FHOD3: variants seen among roughly 807,000 people sequenced by gnomAD.
FHOD3 encodes the protein FH1/FH2 domain-containing protein 3.
In FHOD3, 90 loss-of-function variants were observed where a neutral mutation model predicts 173.0. The ratio of observed to expected loss-of-function variants is 0.52; its 90% confidence interval spans 0.44 to 0.62. The LOEUF is 0.62. FHOD3 is among the 20% of genes least tolerant of loss of function. The pLI, the probability that FHOD3 is intolerant of heterozygous loss-of-function variation, is 0.00. For synonymous variants in FHOD3, 828 were observed against 823.0 expected, an observed-to-expected ratio of 1.01 and a Z score of -0.10; for missense variants, 1,945 against 2,034.7, an observed-to-expected ratio of 0.96 and a Z score of 0.85.
intron 11 of FHOD3, among the ~76,000 whole-genome samples, 186 bp from the exon 12 acceptor site, chr18:36,652,384 G>T (rs530512694): frequency 6.6e-6 from 1 of 152,370 alleles, no homozygotes; most frequent in South Asian, 2.1e-4. Flanking sequence ...TGTCAGGATT[G>T]CTTGGGCAAA....
chr18:36,625,402 A>G (rs1057262404), intron 9 of FHOD3, 109 bp from the exon 10 acceptor site: 1 of 1,025,768 alleles, frequency 9.7e-7, no homozygotes, highest in Non-Finnish European at 1.3e-6. Context: ...CAGTTTGCGA[A>G]GACAGAGTTA....
intron 5 of FHOD3, among the ~76,000 whole-genome samples, chr18:36,525,360 A>G (rs2056464435): frequency 6.6e-6 from 1 of 152,168 alleles, no homozygotes; most frequent in Non-Finnish European, 1.5e-5. Context: ...GAATTCTGCC[A>G]ACAACCACAT....
intron 9 of FHOD3, among the ~76,000 whole-genome samples, chr18:36,615,037 A>C (rs1474226155): frequency 6.6e-6 from 1 of 151,662 alleles, no homozygotes; most frequent in Non-Finnish European, 1.5e-5. Flanking sequence ...TTTGGTAGAG[A>C]TGGGGTTTCT....
At chr18:36,754,905 G>A (rs959218282) in intron 24 of FHOD3, among the ~76,000 whole-genome samples, 1 of 151,254 alleles carries the variant, frequency 6.6e-6, no homozygotes, top group African/African-American at 2.4e-5. Flanking sequence ...CACTTGAGAA[G>A]ACTCTTGAAA....
chr18:36,344,427 A>T (rs1568149523), intron 1 of FHOD3, among the ~76,000 whole-genome samples: 1 of 152,204 alleles, frequency 6.6e-6, no homozygotes, highest in Non-Finnish European at 1.5e-5. Flanking sequence ...AAAAGGTATA[A>T]ATCATATTAA....
intron 3 of FHOD3, among the ~76,000 whole-genome samples, chr18:36,498,959 T>TA (rs1338941792): frequency 6.6e-6 from 1 of 152,192 alleles, no homozygotes; most frequent in Admixed American, 6.5e-5. Flanking sequence ...GAAACAATAA[T>TA]ATGTCACTAG....
At chr18:36,324,132 A>G (rs920538604) in intron 1 of FHOD3, among the ~76,000 whole-genome samples, 1 of 152,248 alleles carries the variant, frequency 6.6e-6, no homozygotes, top group Non-Finnish European at 1.5e-5. Context: ...CAATGGGACA[A>G]GATTTGTCCT....
chr18:36,535,802 ATTAAC>A (rs2056971869), intron 5 of FHOD3, among the ~76,000 whole-genome samples: 2 of 152,218 alleles, frequency 1.3e-5, no homozygotes, highest in Admixed American at 6.5e-5. Context: ...TATTTATATT[ATTAAC>A]TTATGTTGGA....
At chr18:36,778,017 A>G (rs946885017) in intron 28 of FHOD3, 3 of 152,242 alleles carry the variant, frequency 2.0e-5, no homozygotes, top group African/African-American at 4.8e-5. Flanking sequence ...TGGTTGACCA[A>G]TTGATGGATA....
rs116021011 is a variant in FHOD3, at chr18:36,570,588, C to T, written c.512-5863C>T. ...TGGTATGAAAACCAGACATAAAATA[C>T]ACTGAACAATATTTATTATGAACAA... On this transcript the variant is annotated intron_variant, in intron 5 of 28. Coordinates refer to ENST00000590592, the MANE Select transcript of FHOD3 (RefSeq NM_001281740.3). 5.2e-3 allele frequency among the ~76,000 whole-genome samples: 792 copies of T among 152,114 alleles called. 9 individuals carry two copies. Among genetic ancestry groups the T allele is most frequent in the African/African-American group, 0.018 (756 of 41,520 alleles).
chr18:36,773,244 G>T (rs2043470817), intron 28 of FHOD3, among the ~76,000 whole-genome samples: 1 of 152,158 alleles, frequency 6.6e-6, no homozygotes, highest in Non-Finnish European at 1.5e-5. Context: ...TAAAGAGGAG[G>T]CTTGTCTGTA....
At chr18:36,606,611 C>T (rs916657937) in intron 8 of FHOD3, among the ~76,000 whole-genome samples, 14 of 152,102 alleles carry the variant, frequency 9.2e-5, no homozygotes, top group Admixed American at 5.9e-4. Context: ...TCCCATTAGC[C>T]CCAAAGTCTT....
chr18:36,724,456 A>G (rs545173969), intron 19 of FHOD3, among the ~76,000 whole-genome samples: 4 of 152,296 alleles, frequency 2.6e-5, no homozygotes, highest in East Asian at 3.9e-4. Flanking sequence ...AAGCTTTGGC[A>G]GTTGACAGTC....
intron 14 of FHOD3, among the ~76,000 whole-genome samples, chr18:36,678,364 C>G (rs2037998039): frequency 6.6e-6 from 1 of 151,520 alleles, no homozygotes; most frequent in Non-Finnish European, 1.5e-5. Context: ...TGGCAAAACC[C>G]CAACTCTACA....
chr18:36,770,325 AG>A (rs1384242565), intron 28 of FHOD3, among the ~76,000 whole-genome samples: 1 of 152,232 alleles, frequency 6.6e-6, no homozygotes, highest in Admixed American at 6.5e-5. Context: ...CTAGGCAGGG[AG>A]TTGAGTAAGT....
chr18:36,372,922 T>C lies in FHOD3; in HGVS notation c.337+178T>C, dbSNP rs575874730. 2.0e-5 allele frequency among the ~76,000 whole-genome samples: 3 copies of C among 152,370 alleles called. No homozygotes were observed. The South Asian group carries it at 6.2e-4, about 32-fold the overall frequency. ...GAAGGCCTGTTTCATTCCAGCTTCCTCTGCTGTTTGGTTAGTGACTGGAGC... is the reference window on the plus strand; with the variant it reads ...GAAGGCCTGTTTCATTCCAGCTTCCCCTGCTGTTTGGTTAGTGACTGGAGC... On this transcript the variant is annotated intron_variant, in intron 3 of 28. Coordinates refer to ENST00000590592, the MANE Select transcript of FHOD3 (RefSeq NM_001281740.3).
At chr18:36,524,743 T>C (rs1242726326) in intron 5 of FHOD3, among the ~76,000 whole-genome samples, 3 of 152,188 alleles carry the variant, frequency 2.0e-5, no homozygotes, top group Non-Finnish European at 4.4e-5. Flanking sequence ...AACATCGATC[T>C]TTCCCCAAAT....
chr18:36,718,832 A>C (rs1015270512), intron 19 of FHOD3, 117 bp downstream of exon 19: 4 of 1,486,084 alleles, frequency 2.7e-6, no homozygotes, highest in Non-Finnish European at 3.6e-6. Flanking sequence ...GTCCATTGGT[A>C]TGAAAATTTG....
intron 12 of FHOD3, 114 bp from the exon 13 acceptor site, chr18:36,653,228 T>C (rs1211401040): frequency 1.2e-6 from 1 of 823,172 alleles, no homozygotes; most frequent in Non-Finnish European, 1.9e-6. Flanking sequence ...TCCAAATTTA[T>C]ACATCTTGTA....
Sources: gnomAD v4.1 joint callset for allele counts (sites outside exome capture counted in the v4.1 genomes callset) on GRCh38, gnomAD v4.1.1 for gene constraint, MANE v1.5 for transcripts, NCBI Gene and HGNC (gene_info 2026-07-23, HGNC 2026-07-21) for gene names.